The following PCDH15 variants were observed in gnomAD, a reference collection of about 807,000 sequenced individuals.
The protein encoded by PCDH15 is protocadherin related 15.
PCDH15 carries 129 observed loss-of-function variants against 178.5 expected under a neutral mutation model. The observed-to-expected ratio is 0.72, with a 90% confidence interval of 0.63 to 0.84. The LOEUF (loss-of-function observed/expected upper bound fraction) is 0.84. PCDH15 is among the 40% of genes least tolerant of loss of function. The pLI is 0.00. For synonymous variants in PCDH15, 800 were observed against 732.0 expected, an observed-to-expected ratio of 1.09 and a Z score of -1.50; for missense variants, 2,230 against 2,099.9, an observed-to-expected ratio of 1.06 and a Z score of -1.21.
At chr10:55,570,270 CATT>C (rs1263783249) in intron 2 of PCDH15, among the ~76,000 whole-genome samples, 2 of 151,876 alleles carry the variant, frequency 1.3e-5, no homozygotes, top group Non-Finnish European at 2.9e-5. Context: ...GAAAGACAAA[CATT>C]ATTAAGAGGT....
intron 2 of PCDH15, among the ~76,000 whole-genome samples, chr10:54,530,242 T>A (rs2083773934): frequency 6.6e-6 from 1 of 152,176 alleles, no homozygotes; most frequent in African/African-American, 2.4e-5. Flanking sequence ...TTATGTTTTT[T>A]GCATCAACTG....
intron 2 of PCDH15, among the ~76,000 whole-genome samples, chr10:55,131,164 G>T (rs1179162055): frequency 6.6e-6 from 1 of 152,016 alleles, no homozygotes; most frequent in Non-Finnish European, 1.5e-5. Context: ...TAGTTTCACT[G>T]CCCCACAAAT....
At chr10:54,519,568 C>A (rs2082619968) in intron 3 of PCDH15, among the ~76,000 whole-genome samples, 1 of 152,084 alleles carries the variant, frequency 6.6e-6, no homozygotes, top group Non-Finnish European at 1.5e-5. Flanking sequence ...AAAGAGGATA[C>A]AAACAAATGG....
At chr10:54,061,668 C>T (rs1441879602) in intron 18 of PCDH15, among the ~76,000 whole-genome samples, 1 of 151,894 alleles carries the variant, frequency 6.6e-6, no homozygotes, top group Non-Finnish European at 1.5e-5. Flanking sequence ...TTTATAGCAC[C>T]CATTTGACAC....
intron 2 of PCDH15, among the ~76,000 whole-genome samples, chr10:55,043,217 C>A (rs755370257): frequency 6.6e-6 from 1 of 151,874 alleles, no homozygotes; most frequent in South Asian, 2.1e-4. Flanking sequence ...ATTTCCATAA[C>A]CCTCCTCTCA....
At chr10:54,820,172 G>A (rs1430177424) in intron 3 of PCDH15, among the ~76,000 whole-genome samples, 1 of 151,956 alleles carries the variant, frequency 6.6e-6, no homozygotes, top group Non-Finnish European at 1.5e-5. Flanking sequence ...CCATCTGATG[G>A]AATGAGATGT....
chr10:55,373,671 G>A (rs901392041), intron 2 of PCDH15, among the ~76,000 whole-genome samples: 3 of 152,086 alleles, frequency 2.0e-5, no homozygotes, highest in African/African-American at 7.2e-5. Context: ...GAGTGATGCT[G>A]TTAGGAAAGG....
chr10:55,058,824 T>C (rs71492637), intron 2 of PCDH15, among the ~76,000 whole-genome samples: 7 of 152,250 alleles, frequency 4.6e-5, no homozygotes, highest in Non-Finnish European at 7.4e-5. Flanking sequence ...ATTCTGCCTA[T>C]TGGATGGATT....
intron 8 of PCDH15, among the ~76,000 whole-genome samples, chr10:54,305,986 G>T (rs2060443965): frequency 6.6e-6 from 1 of 151,958 alleles, no homozygotes; most frequent in African/African-American, 2.4e-5. Flanking sequence ...TACAGGTCAT[G>T]GTAGAGGAAG....
At chr10:53,908,250 GAACA>G (rs969750844) in intron 25 of PCDH15, among the ~76,000 whole-genome samples, 5 of 151,986 alleles carry the variant, frequency 3.3e-5, no homozygotes, top group African/African-American at 7.2e-5. Context: ...TACCCCAAAC[GAACA>G]AACAAACAAA....
At chr10:54,655,296 G>GAGAGAGAC (rs1354349028) in intron 2 of PCDH15, among the ~76,000 whole-genome samples, 20 of 120,210 alleles carry the variant, frequency 1.7e-4, no homozygotes, top group South Asian at 6.0e-4. Flanking sequence ...GAGAGAGAGA[G>GAGAGAGAC]AGAGAGACAG....
intron 25 of PCDH15, among the ~76,000 whole-genome samples, chr10:53,904,903 T>C (rs2082569010): frequency 6.6e-6 from 1 of 151,416 alleles, no homozygotes; most frequent in African/African-American, 2.4e-5. Flanking sequence ...AAATGTGCTA[T>C]TTCTTTTCAG....
chr10:53,853,178 C>G (rs914839376), intron 28 of PCDH15, among the ~76,000 whole-genome samples: 1 of 151,234 alleles, frequency 6.6e-6, no homozygotes, highest in East Asian at 1.9e-4. Flanking sequence ...GGGACAATTT[C>G]TTAAACAACT....
chr10:54,243,857 A>G (rs1202991329), intron 8 of PCDH15, among the ~76,000 whole-genome samples: 1 of 152,082 alleles, frequency 6.6e-6, no homozygotes, highest in Non-Finnish European at 1.5e-5. Context: ...GGTGAGTAGT[A>G]TGGGCCAAGC....
intron 9 of PCDH15, among the ~76,000 whole-genome samples, chr10:54,233,519 A>G (rs1326870510): frequency 6.6e-6 from 1 of 152,192 alleles, no homozygotes; most frequent in African/African-American, 2.4e-5. Context: ...AATCATCTTC[A>G]ATTTAACGAT....
chr10:54,354,370 G>C (rs76285222), intron 5 of PCDH15, among the ~76,000 whole-genome samples: 2,713 of 152,302 alleles, frequency 0.018, 88 homozygotes, highest in African/African-American at 0.062. Flanking sequence ...CATGCTTAAA[G>C]TAAAAAGAAA....
At chr10:54,823,718 C>T (rs1282258880) in intron 3 of PCDH15, among the ~76,000 whole-genome samples, 1 of 151,838 alleles carries the variant, frequency 6.6e-6, no homozygotes, top group Non-Finnish European at 1.5e-5. Context: ...CCCATTGGTG[C>T]TATTCTACTT....
At chr10:54,132,496 T>C (rs1005827565) in intron 15 of PCDH15, among the ~76,000 whole-genome samples, 4 of 152,188 alleles carry the variant, frequency 2.6e-5, no homozygotes, top group Non-Finnish European at 4.4e-5. Context: ...TACACAAGAC[T>C]GCATCAAAAA....
chr10:53,984,292 G>A (rs931731505), intron 21 of PCDH15, among the ~76,000 whole-genome samples: 2 of 151,360 alleles, frequency 1.3e-5, no homozygotes, highest in Non-Finnish European at 2.9e-5. Context: ...TGGGACTACA[G>A]GCGCCCACCA....
Sources: allele counts gnomAD v4.1 joint callset (sites outside exome capture counted in the v4.1 genomes callset), GRCh38; gene constraint gnomAD v4.1.1; transcripts MANE v1.5; gene names NCBI Gene and HGNC (gene_info 2026-07-23, HGNC 2026-07-21).